Variants in AMPH observed in about 807,000 individuals in gnomAD.
AMPH encodes amphiphysin (Stiff-Mann syndrome with breast cancer 128kD autoantigen).
In AMPH, 49 loss-of-function variants were observed where a neutral mutation model predicts 99.1. The observed-to-expected ratio is 0.49, with a 90% confidence interval of 0.39 to 0.63. The LOEUF (loss-of-function observed/expected upper bound fraction) is 0.63, where lower values mean the gene tolerates loss of function less well. AMPH is among the 20% of genes least tolerant of loss of function. The pLI is 0.00. For missense variants in AMPH, 759 were observed against 863.4 expected (o/e 0.88, Z 1.52); for synonymous variants, 314 against 317.3 (o/e 0.99, Z 0.11).
chr7:38,503,500 GGGT>G (rs1417202287), intron 3 of AMPH, 147 bp downstream of exon 3: 7 of 544,772 alleles, frequency 1.3e-5, no homozygotes, highest in South Asian at 2.4e-5. Flanking sequence ...TGGGGCGGGG[GGGT>G]GGGTGGTGGA....
At chr7:38,401,685 A>C (rs189024614) in intron 17 of AMPH, among the ~76,000 whole-genome samples, 8 of 152,262 alleles carry the variant, frequency 5.3e-5, no homozygotes, top group Admixed American at 3.9e-4. Flanking sequence ...GTTCATTTGT[A>C]GTGCTTTCTT....
chr7:38,386,631 C>T (rs1367388562), intron 20 of AMPH, among the ~76,000 whole-genome samples: 19 of 152,134 alleles, frequency 1.2e-4, no homozygotes, highest in South Asian at 2.1e-4. Context: ...TAATTAAAAA[C>T]ATTGGAATAA....
At position 38,494,469 on chromosome 7, in the gene AMPH, G is replaced by A. The variant is rs769248151; in HGVS notation, c.264C>T (p.Asp88=). Residue 88 remains aspartate (D), a synonymous_variant, in exon 4 of 21, where the codon GAC becomes GAT. Coordinates refer to ENST00000356264, the MANE Select transcript of AMPH (RefSeq NM_001635.4). ...TTTTCACATCTTCCCGCCCATACCA[G>A]TCAGGCTCATAGACTTCATGCAGCG... ...TESLHEVYEP[D]WYGREDVKMV... 1.2e-6 allele frequency: 2 copies of A among 1,613,902 alleles called. No homozygotes were observed. Among genetic ancestry groups the A allele is most frequent in the East Asian group, 4.5e-5 (2 of 44,860 alleles).
At chr7:38,480,529 C>G (rs1341432856) in intron 5 of AMPH, among the ~76,000 whole-genome samples, 1 of 152,098 alleles carries the variant, frequency 6.6e-6, no homozygotes, top group Non-Finnish European at 1.5e-5. Flanking sequence ...TTCTACACAC[C>G]CTTCAGGACT....
intron 1 of AMPH, among the ~76,000 whole-genome samples, chr7:38,580,696 A>G (rs1018019076): frequency 5.9e-5 from 9 of 151,882 alleles, no homozygotes; most frequent in Non-Finnish European, 1.2e-4. Flanking sequence ...GATGATGATG[A>G]TGATGACGAT....
At chr7:38,559,329 T>C (rs2129048354) in intron 1 of AMPH, among the ~76,000 whole-genome samples, 1 of 152,338 alleles carries the variant, frequency 6.6e-6, no homozygotes, top group Non-Finnish European at 1.5e-5. Context: ...TGAATATAGA[T>C]GAAGGACGAT....
intron 1 of AMPH, among the ~76,000 whole-genome samples, chr7:38,557,295 T>C (rs1584242471): frequency 6.6e-6 from 1 of 152,326 alleles, no homozygotes; most frequent in Non-Finnish European, 1.5e-5. Flanking sequence ...CCAGGTGATG[T>C]GGTTTGGCAG....
chr7:38,514,969 G>C (rs1369440300), intron 2 of AMPH, among the ~76,000 whole-genome samples: 2 of 152,190 alleles, frequency 1.3e-5, no homozygotes, highest in Non-Finnish European at 2.9e-5. Context: ...GCTGTGAACA[G>C]AGCATTAAGG....
intron 3 of AMPH, among the ~76,000 whole-genome samples, chr7:38,497,202 T>C (rs1584169357): frequency 6.6e-6 from 1 of 152,198 alleles, no homozygotes. Flanking sequence ...TAGGGATTAC[T>C]CTTCTGACAG....
intron 1 of AMPH, among the ~76,000 whole-genome samples, chr7:38,581,357 C>T (rs541019471): frequency 2.6e-4 from 40 of 152,150 alleles, no homozygotes; most frequent in African/African-American, 9.6e-4. Flanking sequence ...AGAGTGAACC[C>T]TCCAGATAAA....
intron 16 of AMPH, chr7:38,420,905 C>T: frequency 6.6e-6 from 3 of 454,306 alleles, no homozygotes; most frequent in South Asian, 3.1e-5. Context: ...CCAACTTCAC[C>T]CCCTACCTCG....
At chr7:38,408,387 CAT>C (rs1396763345) in intron 17 of AMPH, among the ~76,000 whole-genome samples, 2 of 152,100 alleles carry the variant, frequency 1.3e-5, no homozygotes, top group African/African-American at 4.8e-5. Context: ...TCAAAGCAAA[CAT>C]ATCACAAAAT....
chr7:38,498,653 C>G (rs770125745), intron 3 of AMPH, among the ~76,000 whole-genome samples: 1 of 152,306 alleles, frequency 6.6e-6, no homozygotes, highest in Non-Finnish European at 1.5e-5. Flanking sequence ...TTGGACTAAA[C>G]TTCTACTAAA....
At chr7:38,615,212 T>A (rs1442695060) in intron 1 of AMPH, among the ~76,000 whole-genome samples, 1 of 152,188 alleles carries the variant, frequency 6.6e-6, no homozygotes, top group Non-Finnish European at 1.5e-5. Context: ...CTTCAGTCTG[T>A]TCATCTGTAA....
rs150776580 is a variant in AMPH at position 38,394,240 on chromosome 7, C to T, written c.1399-26G>A. On this transcript the variant is annotated intron_variant, in intron 17 of 20. Coordinates refer to ENST00000356264, the MANE Select transcript of AMPH (RefSeq NM_001635.4). ...CTGCAGGGCAGAAACCAGCAGGCCA[C>T]GTCTGCATCTCCATGGGCCTCTGCC... 220 of 1,611,518 alleles carry T rather than the reference C, an allele frequency of 1.4e-4. 3 individuals are homozygous for T. The highest frequency in any genetic ancestry group is 1.0e-3 in the Middle Eastern group (6 of 5,758).
intron 1 of AMPH, among the ~76,000 whole-genome samples, chr7:38,606,833 C>T (rs189523306): frequency 1.3e-4 from 20 of 152,138 alleles, no homozygotes; most frequent in African/African-American, 4.6e-4. Context: ...CTTTGGCCTC[C>T]CAAAGCACTA....
intron 1 of AMPH, among the ~76,000 whole-genome samples, chr7:38,570,029 T>C (rs1468137438): frequency 6.6e-6 from 1 of 152,024 alleles, no homozygotes; most frequent in Admixed American, 6.5e-5. Context: ...CTGTACTGAG[T>C]GTAAATGGAT....
Position 38,474,785 on chromosome 7 carries a change from C to T in AMPH, c.590+546G>A, listed in dbSNP as rs191587294. Among the ~76,000 whole-genome samples the T allele has an allele frequency of 3.2e-3, 491 of 152,134 alleles. 3 individuals carry two copies. The highest frequency in any genetic ancestry group is 5.5e-3 in the Non-Finnish European group (372 of 67,988). Reference sequence around the variant, plus strand: ...CTATTTCAAAATGCACGTAATTCCACGAGAAATGCAGAGTAACGTGTAAGT... The same window carrying T: ...CTATTTCAAAATGCACGTAATTCCATGAGAAATGCAGAGTAACGTGTAAGT... On this transcript the variant is annotated intron_variant, in intron 7 of 20. Transcript: ENST00000356264.
At chr7:38,571,771 A>C (rs984621911) in intron 1 of AMPH, among the ~76,000 whole-genome samples, 6 of 152,000 alleles carry the variant, frequency 3.9e-5, no homozygotes, top group African/African-American at 1.5e-4. Flanking sequence ...AGCATAGCTT[A>C]AGTGTACAGT....
Sources: allele counts gnomAD v4.1 joint callset (sites outside exome capture counted in the v4.1 genomes callset), GRCh38; gene constraint gnomAD v4.1.1; transcripts MANE v1.5; gene names NCBI Gene and HGNC (gene_info 2026-07-23, HGNC 2026-07-21).